Variants in DLX5 observed in about 807,000 individuals in gnomAD.
DLX5 encodes homeobox protein DLX-5.
A neutral mutation model predicts 27.1 loss-of-function variants in DLX5; 8 were observed. The ratio of observed to expected loss-of-function variants is 0.30; its 90% CI spans 0.17 to 0.53. DLX5 has a LOEUF of 0.53. Among genes scored for constraint, DLX5 ranks in the 20% least tolerant of loss-of-function variants. DLX5 has a pLI of 0.95. For synonymous variants in DLX5, 178 were observed against 161.9 expected, an observed-to-expected ratio of 1.10 and a Z score of -0.75; for missense variants, 339 against 375.1, an observed-to-expected ratio of 0.90 and a Z score of 0.80.
At chr7:97,023,561 C>G (rs1420158032) in intron 1 of DLX5, among the ~76,000 whole-genome samples, 1 of 152,036 alleles carries the variant, frequency 6.6e-6, no homozygotes, top group African/African-American at 2.4e-5. Context: ...CTTAAACTCT[C>G]TAAGTAAGTT....
intron 1 of DLX5, among the ~76,000 whole-genome samples, chr7:97,023,014 T>G (rs1790104552): frequency 9.4e-6 from 1 of 106,042 alleles, no homozygotes; most frequent in African/African-American, 4.0e-5. Context: ...AGACTTAATA[T>G]GTTCTTGGCA....
intron 2 of DLX5, 30 bp from the exon 3 acceptor site, chr7:97,021,095 C>G: frequency 2.5e-6 from 4 of 1,571,288 alleles, no homozygotes; most frequent in Non-Finnish European, 3.5e-6. Flanking sequence ...CACACGTTAC[C>G]GGGACACTCA....
chr7:97,022,774 C>T (rs1790098013), intron 1 of DLX5, among the ~76,000 whole-genome samples: 1 of 152,282 alleles, frequency 6.6e-6, no homozygotes, highest in East Asian at 1.9e-4. Context: ...TGGCCCTGGG[C>T]CGTGACCCTA....
At position 97,024,791 on chromosome 7, in the gene DLX5, CTG is replaced by C. The variant is rs917597387; in HGVS notation, c.-170_-169del. 77 of 621,146 alleles carry C rather than the reference CTG, an allele frequency of 1.2e-4. No individual in the cohort carries two copies. The Admixed American group carries it at 1.4e-3, about 11-fold the overall frequency. The allele number at this position is 621,146 out of a possible 1,614,324, so 38.5% of individuals were successfully genotyped here. A position where few individuals can be genotyped will look rare whatever the true frequency, so the allele number is the denominator to read the frequency against. ...GGCGGCGGCCGCGGCGAGGAGGAGACTGGGAGTCGTGAAGTCTCTGTCTCCGG... is the reference window on the plus strand; with the variant it reads ...GGCGGCGGCCGCGGCGAGGAGGAGACGGAGTCGTGAAGTCTCTGTCTCCGG... On this transcript the variant is annotated 5_prime_UTR_variant, in exon 1 of 3. Transcript: ENST00000648378. The surrounding 1 kb of genome is among the most constrained non-coding windows in gnomAD (Gnocchi z 4.6).
intron 1 of DLX5, among the ~76,000 whole-genome samples, chr7:97,022,781 C>G (rs1193524887): frequency 6.6e-6 from 1 of 152,140 alleles, no homozygotes; most frequent in African/African-American, 2.4e-5. Flanking sequence ...GGGCCGTGAC[C>G]CTACTTCTGT....
Position 97,024,510 on chromosome 7 carries a change from G to T in DLX5, c.114C>A (p.Pro38=), listed in dbSNP as rs1162962295. The part of the protein sequence containing the change: ...HHPSQESPTL[P]ESSATDSDYY... ...AGTCAGAATCGGTAGCTGAAGACTC[G>T]GGCAAAGTTGGCGATTCCTGAGACG... Residue 38 remains proline, a synonymous_variant, in exon 1 of 3, where the codon CCC becomes CCA. Coordinates refer to ENST00000648378, the MANE Select transcript of DLX5 (RefSeq NM_005221.6). This position sits in a 1 kb window ranked among gnomAD's most constrained non-coding sequence, Gnocchi z 4.6. 4 of 1,614,234 alleles carry T rather than the reference G, an allele frequency of 2.5e-6. No homozygotes were observed. The African/African-American group carries it at 4.0e-5, about 16-fold the overall frequency.
At chr7:97,023,384 A>G (rs1329076706) in intron 1 of DLX5, among the ~76,000 whole-genome samples, 2 of 150,648 alleles carry the variant, frequency 1.3e-5, no homozygotes, top group African/African-American at 4.9e-5. Context: ...GTCAAGTTCC[A>G]GGGAGAAGTG....
chr7:97,024,729 A>T lies in DLX5; in HGVS notation c.-106T>A. The T allele has an allele frequency of 1.0e-6, 1 of 970,936 alleles. No homozygotes were observed. Among genetic ancestry groups the T allele is most frequent in the South Asian group, 1.7e-5 (1 of 59,442 alleles). The allele number at this position is 970,936 out of a possible 1,614,324, so 60.1% of individuals were successfully genotyped here. ...CTAAGCAGACATGGCTGTGGGAGCG[A>T]GGGAGGAGGAGGAAGAGGAGGAGGA... On this transcript the variant is annotated 5_prime_UTR_variant, in exon 1 of 3. Transcript: ENST00000648378. This position sits in a 1 kb window ranked among gnomAD's most constrained non-coding sequence, Gnocchi z 4.6.
chr7:97,021,939 A>C (rs542407706), intron 2 of DLX5: 760 of 607,536 alleles, frequency 1.3e-3, no homozygotes, highest in Non-Finnish European at 7.4e-4. Context: ...ACAGCTCCGG[A>C]GGCCCGCTAC....
chr7:97,023,949 TTTC>T (rs1790130354), intron 1 of DLX5, among the ~76,000 whole-genome samples: 5 of 152,198 alleles, frequency 3.3e-5, no homozygotes, highest in Admixed American at 3.3e-4. Flanking sequence ...TGCTTGATTC[TTTC>T]TTCTCTCCAC....
intron 1 of DLX5, 141 bp from the exon 2 acceptor site, chr7:97,022,510 G>A (rs918317906): frequency 6.7e-7 from 1 of 1,482,942 alleles, no homozygotes; most frequent in African/African-American, 1.4e-5. Context: ...TGCTTTTCAG[G>A]ACCGCGATAA....
chr7:97,021,863 C>T, intron 2 of DLX5: 1 of 585,908 alleles, frequency 1.7e-6, no homozygotes, highest in Non-Finnish European at 3.0e-6. Context: ...CAGATAGCTG[C>T]TCTGGGCTGC....
At chr7:97,023,743 T>A (rs1377086726) in intron 1 of DLX5, among the ~76,000 whole-genome samples, 7 of 152,112 alleles carry the variant, frequency 4.6e-5, no homozygotes, top group Non-Finnish European at 1.0e-4. Context: ...CGCTCTTCTC[T>A]GGCTGGCTAC....
Position 97,024,798 on chromosome 7 carries a change from T to A in DLX5, c.-175A>T, listed in dbSNP as rs967347123. ...GCCGCGGCGAGGAGGAGACTGGGAGTCGTGAAGTCTCTGTCTCCGGCCGGC... is the reference window on the plus strand; with the variant it reads ...GCCGCGGCGAGGAGGAGACTGGGAGACGTGAAGTCTCTGTCTCCGGCCGGC... On this transcript the variant is annotated 5_prime_UTR_variant, in exon 1 of 3. Coordinates refer to ENST00000648378, the MANE Select transcript of DLX5 (RefSeq NM_005221.6). The surrounding 1 kb of genome is among the most constrained non-coding windows in gnomAD (Gnocchi z 4.6). 1.0e-5 allele frequency: 6 copies of A among 602,058 alleles called. No individual in the cohort carries two copies. The highest frequency in any genetic ancestry group is 3.0e-5 in the Admixed American group (1 of 32,866). The allele number at this position is 602,058 out of a possible 1,614,324, so 37.3% of individuals were successfully genotyped here. A position where few individuals can be genotyped will look rare whatever the true frequency, so the allele number is the denominator to read the frequency against.
intron 1 of DLX5, 91 bp from the exon 2 acceptor site, chr7:97,022,460 CCACT>C (rs1790089795): frequency 2.5e-6 from 4 of 1,570,602 alleles, no homozygotes; most frequent in Non-Finnish European, 3.4e-6. Flanking sequence ...GAGTTTCTTA[CCACT>C]CAGTCTTCAT....
chr7:97,023,658 C>T (rs1790123751), intron 1 of DLX5, among the ~76,000 whole-genome samples: 1 of 152,088 alleles, frequency 6.6e-6, no homozygotes, highest in Non-Finnish European at 1.5e-5. Context: ...AACGTGACCC[C>T]TCAGCAACCC....
In DLX5 at chr7:97,024,573, G is replaced by A; in HGVS notation, c.51C>T (p.Phe17=). 2 of 1,609,414 alleles carry A rather than the reference G, an allele frequency of 1.2e-6. No individual in the cohort carries two copies. The highest frequency in any genetic ancestry group is 1.7e-5 in the Admixed American group (1 of 59,916). ...CTGCGGACGTCTGGAACGGAGCTTG[G>A]AAGTCGCCGGATCGGATGCTGGGGA... ...RRVPSIRSGD[F]QAPFQTSAAM... is the part of the protein sequence containing the mutation. Residue 17 remains phenylalanine (F), a synonymous_variant, in exon 1 of 3, where the codon TTC becomes TTT. Transcript: ENST00000648378. The surrounding 1 kb of genome is among the most constrained non-coding windows in gnomAD (Gnocchi z 4.6).
intron 1 of DLX5, chr7:97,022,686 G>A (rs1790095763): frequency 8.1e-6 from 6 of 737,922 alleles, no homozygotes; most frequent in Non-Finnish European, 9.9e-6. Flanking sequence ...TTGTTTTTAC[G>A]CCCACCCTGT....
rs566002800 is a variant in DLX5 at position 97,022,128 on chromosome 7, C to A, written c.540+57G>T. 12 of 1,607,364 alleles carry A rather than the reference C, an allele frequency of 7.5e-6. No homozygotes were observed. In the South Asian group the frequency reaches 1.2e-4, roughly 16 times the overall value. ...CCAGTCCCATCGAGACTGAACCGCGCGACCCAACCAGACGTGCAGCTCAGG... is the reference window on the plus strand; with the variant it reads ...CCAGTCCCATCGAGACTGAACCGCGAGACCCAACCAGACGTGCAGCTCAGG... On this transcript the variant is annotated intron_variant, in intron 2 of 2. Transcript: ENST00000648378.
Sources: allele counts gnomAD v4.1 joint callset (sites outside exome capture counted in the v4.1 genomes callset), GRCh38; gene constraint gnomAD v4.1.1; non-coding constraint Gnocchi (gnomAD v3.1); transcripts MANE v1.5; gene names NCBI Gene and HGNC (gene_info 2026-07-23, HGNC 2026-07-21).